The following KLRC3 variants were observed in gnomAD, a reference collection of about 807,000 sequenced individuals.
KLRC3 encodes NKG2-E type II integral membrane protein.
In KLRC3, 16 loss-of-function variants were observed where a neutral mutation model predicts 23.6. The observed-to-expected ratio is 0.68, with a 90% CI of 0.46 to 1.03. KLRC3 has a LOEUF of 1.03. KLRC3 is among the 50% of genes least tolerant of loss of function. KLRC3 has a pLI of 0.00. For missense variants in KLRC3, 209 were observed against 232.2 expected (o/e 0.90, Z 0.65); for synonymous variants, 70 against 71.8 (o/e 0.98, Z 0.13).
chr12:10,418,811 C>T (rs573006275), intron 3 of KLRC3, among the ~76,000 whole-genome samples: 1 of 152,232 alleles, frequency 6.6e-6, no homozygotes, highest in Admixed American at 6.5e-5. Context: ...GGTATCATCT[C>T]ACAGCAGTAG....
chr12:10,417,371 G>A (rs958048656), intron 4 of KLRC3, among the ~76,000 whole-genome samples: 1 of 152,064 alleles, frequency 6.6e-6, no homozygotes, highest in East Asian at 1.9e-4. Flanking sequence ...AGATGAAATT[G>A]TCTGGGACCC....
At position 10,414,199 on chromosome 12, in the gene KLRC3, G is replaced by A. The variant is rs961087574; in HGVS notation, c.678+1505C>T. ...ACAATGATCAGCATGGATTTGTTTC[G>A]GAAACAAAGCCTAGTTTAACATTTG... On this transcript the variant is annotated intron_variant, in intron 6 of 6. Transcript: ENST00000396439. 4.6e-5 allele frequency among the ~76,000 whole-genome samples: 7 copies of A among 151,636 alleles called. No homozygotes were observed. In the South Asian group the frequency reaches 6.2e-4, roughly 14 times the overall value.
At chr12:10,415,844 C>A in intron 5 of KLRC3, 50 bp from the exon 6 acceptor site, 1 of 1,357,850 alleles carries the variant, frequency 7.4e-7, no homozygotes, top group Non-Finnish European at 1.0e-6. Flanking sequence ...GCAAATGACC[C>A]ATGAGACAAA....
chr12:10,418,621 A>T (rs181755884), intron 3 of KLRC3, 123 bp from the exon 4 acceptor site: 234 of 1,158,622 alleles, frequency 2.0e-4, no homozygotes, highest in Admixed American at 6.5e-4. Context: ...TTACAGGCTT[A>T]TAAGTATATA....
Position 10,415,797 on chromosome 12 carries a change from G to T in KLRC3, c.588-3C>A. On this transcript the variant is annotated splice_polypyrimidine_tract_variant and splice_region_variant and intron_variant, in intron 5 of 6. Coordinates refer to ENST00000396439, the MANE Select transcript of KLRC3 (RefSeq NM_002261.3). ...CAGCATGATCTGAGTCTTTTATCCT[G>T]TAATGGAGAAAAATCCATAATTCTG... The T allele has an allele frequency of 6.3e-7, 1 of 1,599,300 alleles. No homozygotes were observed. The highest frequency in any genetic ancestry group is 8.6e-7 in the Non-Finnish European group (1 of 1,168,866).
intron 3 of KLRC3, among the ~76,000 whole-genome samples, 189 bp from the exon 4 acceptor site, chr12:10,418,687 T>C (rs1315076247): frequency 6.6e-6 from 1 of 152,144 alleles, no homozygotes; most frequent in Non-Finnish European, 1.5e-5. Context: ...TTAGCCTCTC[T>C]CCCCTAATTG....
chr12:10,415,486 GC>G (rs1489860457), intron 6 of KLRC3: 1 of 738,426 alleles, frequency 1.4e-6, no homozygotes, highest in Non-Finnish European at 2.1e-6. Flanking sequence ...ATCACGTTCA[GC>G]AAAATGAGCC....
intron 4 of KLRC3, among the ~76,000 whole-genome samples, chr12:10,417,847 A>G (rs1233368385): frequency 1.3e-5 from 2 of 152,208 alleles, no homozygotes; most frequent in Non-Finnish European, 2.9e-5. Context: ...TAGGAGTGAA[A>G]AAGACAGACA....
Position 10,415,689 on chromosome 12 carries a change from A to G in KLRC3, c.678+15T>C, listed in dbSNP as rs1269668147. ...CTGCAAGCTCAAGCGCTTTAATTCT[A>G]AAGCTTATGCTCACAATGATTCTTG... On this transcript the variant is annotated intron_variant, in intron 6 of 6. Transcript: ENST00000396439. The G allele has an allele frequency of 1.2e-6, 2 of 1,613,368 alleles. No individual in the cohort carries two copies. The highest frequency in any genetic ancestry group is 8.5e-7 in the Non-Finnish European group (1 of 1,179,580).
chr12:10,416,267 G>A (rs939394078), intron 5 of KLRC3, among the ~76,000 whole-genome samples: 2 of 152,172 alleles, frequency 1.3e-5, no homozygotes, highest in Admixed American at 6.5e-5. Flanking sequence ...CCCATGGGCC[G>A]CATGTGGCCC....
intron 6 of KLRC3, chr12:10,415,488 A>C: frequency 1.3e-6 from 1 of 759,024 alleles, no homozygotes; most frequent in Non-Finnish European, 2.0e-6. Flanking sequence ...CACGTTCAGC[A>C]AAATGAGCCT....
At position 10,420,072 on chromosome 12, in the gene KLRC3, A is replaced by T. The variant is rs992335920; in HGVS notation, c.188-108T>A. 1.6e-5 allele frequency: 7 copies of T among 448,222 alleles called. No individual in the cohort carries two copies. The Admixed American group carries it at 2.6e-4, about 17-fold the overall frequency. 27.8% of individuals were successfully genotyped at this position (448,222 alleles called of 1,614,324 possible). A position where few individuals can be genotyped will look rare whatever the true frequency, so the allele number is the denominator to read the frequency against. Reference sequence around the variant, plus strand: ...GAACCCACATGCACAGGGAAACATAATGATAAACTCTGGCCGCTAAATCTA... The same window carrying T: ...GAACCCACATGCACAGGGAAACATATTGATAAACTCTGGCCGCTAAATCTA... On this transcript the variant is annotated intron_variant, in intron 1 of 6. Transcript: ENST00000396439.
In KLRC3 at chr12:10,412,375, G is replaced by A; in HGVS notation, c.*197C>T. ...CTGCATTTTAATATTAATATTTGTTGTAAATGACTAATGCTTAAATCAAAC... is the reference window on the plus strand; with the variant it reads ...CTGCATTTTAATATTAATATTTGTTATAAATGACTAATGCTTAAATCAAAC... On this transcript the variant is annotated 3_prime_UTR_variant, in exon 7 of 7. Transcript: ENST00000396439. 1 of 574,360 alleles carries A rather than the reference G, an allele frequency of 1.7e-6. No homozygotes were observed. The allele number at this position is 574,360 out of a possible 1,614,324, so 35.6% of individuals were successfully genotyped here. A position where few individuals can be genotyped will look rare whatever the true frequency, so the allele number is the denominator to read the frequency against.
chr12:10,418,904 T>C (rs1863682760), intron 3 of KLRC3, 140 bp downstream of exon 3: 1 of 397,354 alleles, frequency 2.5e-6, no homozygotes. Flanking sequence ...AAATGCTGCC[T>C]CATAATCTTT....
chr12:10,418,731 T>C (rs1344007061), intron 3 of KLRC3, among the ~76,000 whole-genome samples: 3 of 152,102 alleles, frequency 2.0e-5, no homozygotes, highest in Admixed American at 6.6e-5. Context: ...CAAACAAAAA[T>C]ACACTCCACA....
chr12:10,415,184 A>T (rs1303454679), intron 6 of KLRC3, among the ~76,000 whole-genome samples: 1 of 152,218 alleles, frequency 6.6e-6, no homozygotes, highest in Non-Finnish European at 1.5e-5. Context: ...GGACAGCTTC[A>T]TTGAGGTACG....
At chr12:10,418,852 A>G (rs1863682358) in intron 3 of KLRC3, among the ~76,000 whole-genome samples, 192 bp downstream of exon 3, 1 of 152,060 alleles carries the variant, frequency 6.6e-6, no homozygotes, top group Admixed American at 6.6e-5. Flanking sequence ...GAAAGAGGGT[A>G]GAATGATTTT....
At position 10,412,473 on chromosome 12, in the gene KLRC3, T is replaced by G. The variant is rs1863589395; in HGVS notation, c.*99A>C. ...TAGGGAGGGCAGAAAAAGTAGATTT[T>G]TAAAACACAAGCTAAATGGTACATG... is the stretch of plus-strand genomic sequence containing the variant. On this transcript the variant is annotated 3_prime_UTR_variant, in exon 7 of 7. Transcript: ENST00000396439. The G allele has an allele frequency of 1.5e-6, 1 of 675,252 alleles. No homozygotes were observed. The highest frequency in any genetic ancestry group is 1.6e-5 in the South Asian group (1 of 62,666). The allele number at this position is 675,252 out of a possible 1,614,324, so 41.8% of individuals were successfully genotyped here. A position where few individuals can be genotyped will look rare whatever the true frequency, so the allele number is the denominator to read the frequency against.
At chr12:10,415,515 T>C in intron 6 of KLRC3, 189 bp downstream of exon 6, 1 of 920,272 alleles carries the variant, frequency 1.1e-6, no homozygotes, top group Non-Finnish European at 1.6e-6. Flanking sequence ...AATGCGAGGG[T>C]ATCTGTACTT....
Sources: gnomAD v4.1 joint callset for allele counts (sites outside exome capture counted in the v4.1 genomes callset) on GRCh38, gnomAD v4.1.1 for gene constraint, MANE v1.5 for transcripts, NCBI Gene and HGNC (gene_info 2026-07-23, HGNC 2026-07-21) for gene names.